RAB3C: variants seen among roughly 807,000 people sequenced by gnomAD.
RAB3C encodes RAB3C, member RAS oncogene family.
RAB3C carries 17 observed loss-of-function variants against 26.4 expected under a neutral mutation model. That is an observed-to-expected ratio of 0.64 (90% CI 0.44 to 0.97). RAB3C has a LOEUF of 0.97. RAB3C is among the 50% of genes least tolerant of loss of function. The probability of loss-of-function intolerance (pLI) is 0.00; values close to 1 mark genes in which losing one functional copy is unlikely to be tolerated. For synonymous variants in RAB3C, 91 were observed against 95.9 expected (o/e 0.95, Z 0.30); for missense variants, 242 against 281.9 (o/e 0.86, Z 1.01).
chr5:58,727,220 T>C (rs1242196022), intron 3 of RAB3C, among the ~76,000 whole-genome samples: 3 of 151,978 alleles, frequency 2.0e-5, no homozygotes, highest in Non-Finnish European at 2.9e-5. Context: ...TATTTCCATT[T>C]GCTTTTGCTT....
At chr5:58,657,387 GA>G (rs34972833) in intron 2 of RAB3C, among the ~76,000 whole-genome samples, 35,180 of 142,304 alleles carry the variant, frequency 0.25, 4,577 homozygotes, top group Middle Eastern at 0.36. Context: ...ATAATTTATA[GA>G]AAAAAAAAAA....
At chr5:58,746,615 A>G (rs937196961) in intron 3 of RAB3C, among the ~76,000 whole-genome samples, 3 of 152,204 alleles carry the variant, frequency 2.0e-5, no homozygotes, top group African/African-American at 4.8e-5. Flanking sequence ...TAACTCATCC[A>G]TAAAGTGCAT....
intron 2 of RAB3C, among the ~76,000 whole-genome samples, chr5:58,708,452 C>A (rs1748994213): frequency 6.6e-6 from 1 of 152,166 alleles, no homozygotes; most frequent in Non-Finnish European, 1.5e-5. Flanking sequence ...AGACCCTGAC[C>A]TTATTAGCAC....
chr5:58,745,203 C>T (rs1741371441), intron 3 of RAB3C, among the ~76,000 whole-genome samples: 2 of 151,884 alleles, frequency 1.3e-5, no homozygotes, highest in African/African-American at 4.8e-5. Flanking sequence ...CGAGACCATC[C>T]TGGCTAACAC....
intron 2 of RAB3C, among the ~76,000 whole-genome samples, chr5:58,634,156 T>A (rs1260498520): frequency 1.3e-5 from 2 of 151,478 alleles, no homozygotes; most frequent in South Asian, 2.1e-4. Flanking sequence ...AAAAAAAAAA[T>A]TGTTTGTTTG....
rs569981277 is a variant in RAB3C at position 58,716,285 on chromosome 5, T to C, written c.253-9717T>C. Among the ~76,000 whole-genome samples the C allele has an allele frequency of 4.6e-5, 7 of 152,014 alleles. No homozygotes were observed. In the East Asian group the frequency reaches 1.4e-3, roughly 29 times the overall value. On this transcript the variant is annotated intron_variant, in intron 2 of 4. Transcript: ENST00000282878. ...GTTGAAAAATGAATGGGGTTTGAAATAACGAAGCTGAAAAAGATCTAAAGC... is the reference window on the plus strand; with the variant it reads ...GTTGAAAAATGAATGGGGTTTGAAACAACGAAGCTGAAAAAGATCTAAAGC...
intron 3 of RAB3C, among the ~76,000 whole-genome samples, chr5:58,793,587 T>TTG (rs1742578741): frequency 6.6e-6 from 1 of 151,506 alleles, no homozygotes; most frequent in Non-Finnish European, 1.5e-5. Flanking sequence ...GCCACTTTTT[T>TTG]TTTTTTTGCT....
Position 58,851,207 on chromosome 5 carries a change from C to A in RAB3C, c.540C>A (p.Val180=). Residue 180 remains valine (V), a synonymous_variant, in exon 5 of 5, where the codon GTC becomes GTA. Transcript: ENST00000282878. The part of the protein sequence containing the change: ...FETSAKDNIN[V]KQTFERLVDI... ...CAAGTGCCAAGGACAACATTAATGTCAAGCAGACATTTGAGCGCCTTGTGG... is the reference window on the plus strand; with the variant it reads ...CAAGTGCCAAGGACAACATTAATGTAAAGCAGACATTTGAGCGCCTTGTGG... 6.2e-7 allele frequency: 1 copy of A among 1,612,532 alleles called. No homozygotes were observed. Among genetic ancestry groups the A allele is most frequent in the Admixed American group, 1.7e-5 (1 of 59,614 alleles).
chr5:58,599,960 T>A (rs1158795255), intron 1 of RAB3C, among the ~76,000 whole-genome samples: 1 of 152,188 alleles, frequency 6.6e-6, no homozygotes, highest in Non-Finnish European at 1.5e-5. Flanking sequence ...CAATGTTATC[T>A]TCTACATTTT....
chr5:58,662,560 T>C lies in RAB3C; in HGVS notation c.252+44690T>C, dbSNP rs147338812. On this transcript the variant is annotated intron_variant, in intron 2 of 4. Transcript: ENST00000282878. ...GGGAAGGTATTAATAAGACCATTTATCAGCTAAGAAAGCAGAAGATAAATA... is the reference window on the plus strand; with the variant it reads ...GGGAAGGTATTAATAAGACCATTTACCAGCTAAGAAAGCAGAAGATAAATA... Among the ~76,000 whole-genome samples the C allele has an allele frequency of 7.5e-3, 1,128 of 150,378 alleles. 120 individuals are homozygous for C. Among genetic ancestry groups the C allele is most frequent in the African/African-American group, 0.025 (993 of 39,736 alleles).
intron 2 of RAB3C, among the ~76,000 whole-genome samples, chr5:58,627,058 T>C (rs1414688362): frequency 6.6e-6 from 1 of 152,152 alleles, no homozygotes; most frequent in Non-Finnish European, 1.5e-5. Flanking sequence ...CATCTATGCA[T>C]TTAAATAGAG....
intron 2 of RAB3C, among the ~76,000 whole-genome samples, chr5:58,688,619 T>C (rs914695883): frequency 7.9e-5 from 12 of 152,148 alleles, no homozygotes; most frequent in Non-Finnish European, 1.8e-4. Context: ...TCTCAGGCCA[T>C]AGGTTCTACA....
chr5:58,713,435 C>T (rs1047704296), intron 2 of RAB3C, among the ~76,000 whole-genome samples: 9 of 152,178 alleles, frequency 5.9e-5, no homozygotes, highest in African/African-American at 1.9e-4. Context: ...GAGGCAGATA[C>T]CAGCCTGTGA....
intron 4 of RAB3C, among the ~76,000 whole-genome samples, chr5:58,838,572 G>T (rs1743800184): frequency 6.6e-6 from 1 of 151,844 alleles, no homozygotes; most frequent in South Asian, 2.1e-4. Flanking sequence ...TATAATTTTA[G>T]TTTTTAAAAA....
chr5:58,624,764 TC>T (rs1254238622), intron 2 of RAB3C, among the ~76,000 whole-genome samples: 3 of 152,016 alleles, frequency 2.0e-5, no homozygotes, highest in African/African-American at 7.2e-5. Flanking sequence ...AGAAGAGGCA[TC>T]GGGGCAGGAG....
At chr5:58,736,291 G>T (rs896624344) in intron 3 of RAB3C, among the ~76,000 whole-genome samples, 2 of 152,146 alleles carry the variant, frequency 1.3e-5, no homozygotes, top group African/African-American at 4.8e-5. Flanking sequence ...ATAGTAAAAA[G>T]CACACCCCTA....
At chr5:58,603,541 A>C (rs1250690722) in intron 1 of RAB3C, among the ~76,000 whole-genome samples, 2 of 152,226 alleles carry the variant, frequency 1.3e-5, no homozygotes, top group East Asian at 3.9e-4. Flanking sequence ...GGATTGGGTT[A>C]ATTCAAAGAC....
intron 2 of RAB3C, among the ~76,000 whole-genome samples, chr5:58,684,527 T>A (rs1748406734): frequency 6.6e-6 from 1 of 152,142 alleles, no homozygotes; most frequent in Non-Finnish European, 1.5e-5. Context: ...TATAGTGTCT[T>A]TTTTTCTGGC....
At chr5:58,769,229 C>T (rs1741975671) in intron 3 of RAB3C, among the ~76,000 whole-genome samples, 1 of 151,830 alleles carries the variant, frequency 6.6e-6, no homozygotes, top group Admixed American at 6.6e-5. Flanking sequence ...CAGGGTATAT[C>T]CTGGACAGCT....
Sources: allele counts gnomAD v4.1 joint callset (sites outside exome capture counted in the v4.1 genomes callset), GRCh38; gene constraint gnomAD v4.1.1; transcripts MANE v1.5; gene names NCBI Gene and HGNC (gene_info 2026-07-23, HGNC 2026-07-21).